Variants in F11R observed in about 807,000 individuals in gnomAD.
F11R encodes the protein junctional adhesion molecule A.
A neutral mutation model predicts 39.3 loss-of-function variants in F11R; 27 were observed. That is an observed-to-expected ratio of 0.69 (90% CI 0.51 to 0.95). F11R has a LOEUF of 0.95. Among genes scored for constraint, F11R ranks in the 40% least tolerant of loss-of-function variants. F11R has a pLI of 0.00. For missense variants in F11R, 335 were observed against 372.7 expected, an observed-to-expected ratio of 0.90 and a Z score of 0.83; for synonymous variants, 131 against 144.9, an observed-to-expected ratio of 0.90 and a Z score of 0.69.
intron 1 of F11R, among the ~76,000 whole-genome samples, chr1:161,003,428 A>T (rs1338182581): frequency 6.6e-6 from 1 of 151,456 alleles, no homozygotes; most frequent in Non-Finnish European, 1.5e-5. Flanking sequence ...CACCTGGCCT[A>T]ATTTTTGCAT....
intron 1 of F11R, among the ~76,000 whole-genome samples, chr1:161,010,898 T>C (rs557739581): frequency 3.5e-5 from 5 of 142,918 alleles, no homozygotes; most frequent in African/African-American, 1.3e-4. Context: ...GGCTTGAACC[T>C]GGGAGGTGGA....
intron 1 of F11R, among the ~76,000 whole-genome samples, chr1:161,002,892 TAA>T (rs1275337909): frequency 6.6e-6 from 1 of 151,606 alleles, no homozygotes; most frequent in Non-Finnish European, 1.5e-5. Context: ...ATTTTATAGA[TAA>T]GAGACTAAAG....
chr1:161,002,568 T>C (rs544035523), intron 1 of F11R: 1 of 152,198 alleles, frequency 6.6e-6, no homozygotes, highest in African/African-American at 2.4e-5. Flanking sequence ...GTTTTCAAAG[T>C]CAAATTCATG....
chr1:161,000,198 G>A lies in F11R; in HGVS notation c.539C>T (p.Thr180Ile), dbSNP rs1157120826. 1 of 1,614,122 alleles carries A rather than the reference G, an allele frequency of 6.2e-7. No individual in the cohort carries two copies. Among genetic ancestry groups the A allele is most frequent in the Non-Finnish European group, 8.5e-7 (1 of 1,180,026 alleles). ...ATAGGAAGAGTTGCTGAAGGCACGG[G>A]TGCTTTTGGGATTCGTAGGCATCAC... is the stretch of plus-strand genomic sequence containing the variant. Reference protein sequence around the residue: ...GIVMPTNPKSTRAFSNSSYVL... With the variant: ...GIVMPTNPKSIRAFSNSSYVL... The change falls in exon 5 of 10, where the codon ACC (threonine) becomes ATC (isoleucine). Residue 180 changes from threonine to isoleucine, a missense_variant. Thr to Ile is a moderately conservative substitution (Grantham distance 89). Transcript: ENST00000368026.
chr1:161,015,438 A>AC lies in F11R; in HGVS notation c.64+5571_64+5572insG, dbSNP rs1425257168. On this transcript the variant is annotated intron_variant, in intron 1 of 9. Coordinates refer to ENST00000368026, the MANE Select transcript of F11R (RefSeq NM_016946.6). ...TATATATATATATATACACACACAC[A>AC]AAAATTAGCCAAGAATGGTGGTGCA... Among the ~76,000 whole-genome samples, 638 of 148,564 alleles carry AC rather than the reference A, an allele frequency of 4.3e-3. 8 individuals are homozygous for AC. Among genetic ancestry groups the AC allele is most frequent in the Middle Eastern group, 0.018 (5 of 282 alleles).
In F11R at chr1:160,998,880, G is replaced by T. The variant is rs1453303583; in HGVS notation, c.891C>A (p.Phe297Leu). Residue 297 changes from phenylalanine to leucine, a missense_variant, in exon 10 of 10, where the codon TTC becomes TTA. Coordinates refer to ENST00000368026, the MANE Select transcript of F11R (RefSeq NM_016946.6). ...GGTGAGCCGACCAGGCTCACACCAG[G>T]AATGACGAGGTCTGTTTGAATTCTC... ...SEGEFKQTSSFLV is the reference protein window; with the variant it reads ...SEGEFKQTSSLLV The T allele has an allele frequency of 6.2e-7, 1 of 1,614,058 alleles. No individual in the cohort carries two copies. Among genetic ancestry groups the T allele is most frequent in the Non-Finnish European group, 8.5e-7 (1 of 1,180,016 alleles).
intron 1 of F11R, among the ~76,000 whole-genome samples, chr1:161,016,039 T>C (rs913828990): frequency 6.6e-6 from 1 of 152,036 alleles, no homozygotes; most frequent in African/African-American, 2.4e-5. Flanking sequence ...CATGGTGAGG[T>C]AAAAGTGGTC....
chr1:161,012,263 T>C (rs558853343), intron 1 of F11R, among the ~76,000 whole-genome samples: 2 of 152,368 alleles, frequency 1.3e-5, no homozygotes, highest in South Asian at 2.1e-4. Flanking sequence ...TTCCTTCTAC[T>C]ACTTTGCTAA....
intron 2 of F11R, 58 bp from the exon 3 acceptor site, chr1:161,001,185 G>C (rs1245475643): frequency 3.1e-5 from 49 of 1,597,688 alleles, no homozygotes; most frequent in East Asian, 2.2e-5. Context: ...CACGAGATGG[G>C]GAACAGCCCC....
chr1:161,010,973 T>TTAA (rs1649121292), intron 1 of F11R, among the ~76,000 whole-genome samples: 1 of 111,156 alleles, frequency 9.0e-6, no homozygotes, highest in Non-Finnish European at 1.8e-5. Context: ...GACTCCATCT[T>TTAA]AAAAAAAAAA....
chr1:161,009,301 T>G (rs1648998704), intron 1 of F11R, among the ~76,000 whole-genome samples: 1 of 152,144 alleles, frequency 6.6e-6, no homozygotes, highest in Non-Finnish European at 1.5e-5. Flanking sequence ...ATCATCTGTG[T>G]ACAAGCATGT....
Position 161,021,053 on chromosome 1 carries a change from G to A in F11R, c.21C>T (p.Val7=). The change falls in exon 1 of 10, where the codon GTC becomes GTT. Residue 7 remains valine (V), a synonymous_variant. Coordinates refer to ENST00000368026, the MANE Select transcript of F11R (RefSeq NM_016946.6). MGTKAQ[V]ERKLLCLFIL... ...TGAAGAGGCACAACAGTTTCCTCTC[G>A]ACTTGCGCCTTTGTCCCCATCGCGA... 2 of 1,613,860 alleles carry A rather than the reference G, an allele frequency of 1.2e-6. No individual in the cohort carries two copies. The highest frequency in any genetic ancestry group is 1.7e-6 in the Non-Finnish European group (2 of 1,179,868).
intron 8 of F11R, 125 bp from the exon 9 acceptor site, chr1:160,999,216 G>T: frequency 7.2e-7 from 1 of 1,380,850 alleles, no homozygotes; most frequent in South Asian, 1.2e-5. Context: ...GACAGGTATG[G>T]GTGGGGTAAC....
In F11R at chr1:161,001,372, G is replaced by A. The variant is rs1483054370; in HGVS notation, c.65-19C>T. 1 of 1,608,586 alleles carries A rather than the reference G, an allele frequency of 6.2e-7. No individual in the cohort carries two copies. Among genetic ancestry groups the A allele is most frequent in the Non-Finnish European group, 8.5e-7 (1 of 1,175,036 alleles). On this transcript the variant is annotated intron_variant, in intron 1 of 9. Coordinates refer to ENST00000368026, the MANE Select transcript of F11R (RefSeq NM_016946.6). ...AGGGAGCCTAAGGAGAAAGAAAGAG[G>A]TGGGCCCTGTCAGGAGTGGACAGAG...
chr1:161,018,549 A>G (rs1649585053), intron 1 of F11R, among the ~76,000 whole-genome samples: 1 of 152,218 alleles, frequency 6.6e-6, no homozygotes, highest in Non-Finnish European at 1.5e-5. Flanking sequence ...CCCTTCATGT[A>G]TATGTAATGT....
intron 8 of F11R, 144 bp from the exon 9 acceptor site, chr1:160,999,235 C>G: frequency 7.0e-7 from 1 of 1,418,960 alleles, no homozygotes; most frequent in Non-Finnish European, 1.0e-6. Flanking sequence ...ACAGGACAGA[C>G]CCAGGGCCAA....
At chr1:161,011,643 T>C (rs918110863) in intron 1 of F11R, among the ~76,000 whole-genome samples, 6 of 151,874 alleles carry the variant, frequency 4.0e-5, no homozygotes, top group African/African-American at 1.4e-4. Context: ...AGGCAGAGAA[T>C]TGCTGGAGCC....
chr1:161,010,973 T>TAAAAA (rs747869704), intron 1 of F11R, among the ~76,000 whole-genome samples: 5 of 111,148 alleles, frequency 4.5e-5, no homozygotes, highest in Admixed American at 1.0e-4. Context: ...GACTCCATCT[T>TAAAAA]AAAAAAAAAA....
In F11R at chr1:160,999,728, G is replaced by A. The variant is rs967728758; in HGVS notation, c.714C>T (p.Val238=). 2 of 1,614,150 alleles carry A rather than the reference G, an allele frequency of 1.2e-6. No homozygotes were observed. Among genetic ancestry groups the A allele is most frequent in the Non-Finnish European group, 1.7e-6 (2 of 1,180,020 alleles). Residue 238 remains valine, a synonymous_variant, in exon 7 of 10, where the codon GTC becomes GTT. Transcript: ENST00000368026. ...RMEAVERNVG[V]IVAAVLVTLI... ...GGGTTACAAGGACGGCTGCCACGAT[G>A]ACCCCCACATTCCGCTCCACTGCGA... is the stretch of plus-strand genomic sequence containing the variant.
Sources: allele counts gnomAD v4.1 joint callset (sites outside exome capture counted in the v4.1 genomes callset), GRCh38; gene constraint gnomAD v4.1.1; transcripts MANE v1.5; gene names NCBI Gene and HGNC (gene_info 2026-07-23, HGNC 2026-07-21).